Variants in DST observed in about 807,000 individuals in gnomAD.
DST encodes bullous pemphigoid antigen.
Under a neutral mutation model 875.2 loss-of-function variants are expected in DST, and 253 were observed. The ratio of observed to expected loss-of-function variants is 0.29; its 90% confidence interval spans 0.26 to 0.32. The LOEUF (loss-of-function observed/expected upper bound fraction) is 0.32. DST is among the 10% of genes least tolerant of loss of function. DST has a pLI of 1.00. For synonymous variants in DST, 3,124 were observed against 3,197.1 expected (o/e 0.98, Z 0.77); for missense variants, 8,287 against 9,111.6 (o/e 0.91, Z 3.68).
intron 9 of DST, among the ~76,000 whole-genome samples, chr6:56,677,423 C>A (rs964949160): frequency 2.6e-5 from 4 of 152,042 alleles, no homozygotes; most frequent in African/African-American, 9.7e-5. Context: ...CTCAACTGAT[C>A]CTCCCACCTC....
chr6:56,779,852 T>C (rs1026162436), intron 4 of DST, among the ~76,000 whole-genome samples: 45 of 148,636 alleles, frequency 3.0e-4, no homozygotes, highest in African/African-American at 1.0e-3. Context: ...ATTAGGTATA[T>C]CTCCTAATGC....
At position 56,850,833 on chromosome 6, in the gene DST, A is replaced by C. The variant is rs1591668870; in HGVS notation, c.625+564T>G. Among the ~76,000 whole-genome samples the C allele has an allele frequency of 2.0e-5, 3 of 152,360 alleles. No homozygotes were observed. The South Asian group carries it at 6.2e-4, about 32-fold the overall frequency. On this transcript the variant is annotated intron_variant, in intron 4 of 103. Coordinates refer to ENST00000680361, the MANE Select transcript of DST (RefSeq NM_001374736.1). ...CATCTCATGTATTAATTAATCAGGA[A>C]GGCGTGATGGCCAAACCCTCAAAAG...
chr6:56,630,435 C>G, intron 30 of DST, 52 bp from the exon 31 acceptor site: 1 of 1,511,552 alleles, frequency 6.6e-7, no homozygotes, highest in South Asian at 1.1e-5. Context: ...TTTATTTTTG[C>G]ATAATGTAGT....
At chr6:56,511,071 T>C (rs1299005276) in intron 73 of DST, 126 bp downstream of exon 73, 1 of 797,332 alleles carries the variant, frequency 1.3e-6, no homozygotes, top group Admixed American at 2.6e-5. Flanking sequence ...GACACAGACA[T>C]CAATACTCAA....
chr6:56,553,062 T>C lies in DST; in HGVS notation c.15730A>G (p.Thr5244Ala). 6.2e-7 allele frequency: 1 copy of C among 1,613,942 alleles called. No homozygotes were observed. Among genetic ancestry groups the C allele is most frequent in the South Asian group, 1.1e-5 (1 of 91,086 alleles). The change falls in exon 61 of 104, where the codon ACA becomes GCA. Residue 5244 changes from threonine (T) to alanine (A), a missense_variant. Physicochemically the swap from Thr to Ala is moderately conservative, Grantham distance 58 (BLOSUM62 0). Transcript: ENST00000680361. ...TGGATCAGTGACTTATTCTCATCTG[T>C]AACAACTTCTTTATCTATCTCACAG... ...SVCEIDKEVV[T>A]DENKSLIQKV...
chr6:56,938,875 G>A (rs548637174), intron 2 of DST, among the ~76,000 whole-genome samples: 7 of 152,214 alleles, frequency 4.6e-5, no homozygotes, highest in Non-Finnish European at 8.8e-5. Flanking sequence ...AAGATACCTG[G>A]GTGACTTCCA....
intron 3 of DST, among the ~76,000 whole-genome samples, chr6:56,872,446 C>T (rs1302965521): frequency 6.6e-6 from 1 of 152,048 alleles, no homozygotes; most frequent in Non-Finnish European, 1.5e-5. Context: ...CACTTGAGCC[C>T]AGGAGTTTGA....
chr6:56,866,964 T>G (rs202149967), intron 3 of DST, among the ~76,000 whole-genome samples: 4 of 151,544 alleles, frequency 2.6e-5, no homozygotes, highest in Non-Finnish European at 4.4e-5. Context: ...CTTATTTATC[T>G]TATTTATCAT....
chr6:56,651,197 G>T lies in DST; in HGVS notation c.1262C>A (p.Ala421Glu). The T allele has an allele frequency of 6.2e-7, 1 of 1,611,834 alleles. No homozygotes were observed. The highest frequency in any genetic ancestry group is 8.5e-7 in the Non-Finnish European group (1 of 1,178,956). ...MNTVAVQSNLANLEHAFYVAE... is the reference protein window; with the variant it reads ...MNTVAVQSNLENLEHAFYVAE... Reference sequence around the variant, plus strand: ...TACGTAAAAAGCATGCTCTAAATTTGCAAGGTTGCTTTGAACAGCAACAGT... The same window carrying T: ...TACGTAAAAAGCATGCTCTAAATTTTCAAGGTTGCTTTGAACAGCAACAGT... Residue 421 changes from alanine to glutamate, a missense_variant, in exon 11 of 104, where the codon GCA becomes GAA. By Grantham distance (107) the Ala-to-Glu change is moderately radical. Around this residue, in one of 10 missense-constraint regions of DST, gnomAD observed 1,160 missense variants for 1,424.3 expected, o/e 0.81. Coordinates refer to ENST00000680361, the MANE Select transcript of DST (RefSeq NM_001374736.1).
At chr6:56,680,132 T>G (rs2099150280) in intron 9 of DST, among the ~76,000 whole-genome samples, 1 of 152,204 alleles carries the variant, frequency 6.6e-6, no homozygotes, top group African/African-American at 2.4e-5. Flanking sequence ...ATTCTCTTCT[T>G]AGGAAAGCTA....
At position 56,601,551 on chromosome 6, in the gene DST, G is replaced by C. The variant is rs370221458; in HGVS notation, c.11433C>G (p.Leu3811=). ...GAAAACACTTCTGAGTTGTATTTAA[G>C]AGCCTCAGCAGTTGTTTGCTTTGGT... ...SPNQSKQLLR[L]LNTTQKCFLD... The change falls in exon 44 of 104, where the codon CTC becomes CTG. Residue 3811 remains leucine, a synonymous_variant. Coordinates refer to ENST00000680361, the MANE Select transcript of DST (RefSeq NM_001374736.1). 14 of 1,604,818 alleles carry C rather than the reference G, an allele frequency of 8.7e-6. No individual in the cohort carries two copies. The African/African-American group carries it at 1.7e-4, about 20-fold the overall frequency.
At chr6:56,925,367 A>G (rs1806499465) in intron 2 of DST, among the ~76,000 whole-genome samples, 1 of 152,256 alleles carries the variant, frequency 6.6e-6, no homozygotes, top group Non-Finnish European at 1.5e-5. Context: ...AATAGGGAGC[A>G]TATGACTTTT....
chr6:56,638,653 T>C (rs1304348307), intron 22 of DST, among the ~76,000 whole-genome samples: 1 of 152,188 alleles, frequency 6.6e-6, no homozygotes, highest in Non-Finnish European at 1.5e-5. Context: ...CCCAACTGCA[T>C]AGGCAACCTG....
intron 5 of DST, among the ~76,000 whole-genome samples, chr6:56,728,973 T>TACAC (rs35066414): frequency 0.046 from 6,035 of 132,022 alleles, 141 homozygotes; most frequent in Middle Eastern, 0.12. Context: ...ATAAAAAAAG[T>TACAC]ACACACACAC....
At chr6:56,698,691 G>C (rs1474696758) in intron 9 of DST, among the ~76,000 whole-genome samples, 2 of 152,188 alleles carry the variant, frequency 1.3e-5, no homozygotes, top group Non-Finnish European at 2.9e-5. Flanking sequence ...AGCTGGCAAA[G>C]GATCACTTCC....
In DST at chr6:56,880,023, AATG is replaced by A. The variant is rs1252692254; in HGVS notation, c.417+20395_417+20397del. On this transcript the variant is annotated intron_variant, in intron 3 of 103. Coordinates refer to ENST00000680361, the MANE Select transcript of DST (RefSeq NM_001374736.1). ...ACATTTTTAAAATTTCTATTCCCAC[AATG>A]AATAGGTACCTTTCAAAAGAGTATC... 7.9e-5 allele frequency among the ~76,000 whole-genome samples: 12 copies of A among 152,362 alleles called. No homozygotes were observed. The East Asian group carries it at 2.3e-3, about 29-fold the overall frequency.
chr6:56,463,842 G>A (rs780971218), intron 100 of DST, 78 bp from the exon 101 acceptor site: 30 of 1,387,916 alleles, frequency 2.2e-5, no homozygotes, highest in South Asian at 8.1e-5. Context: ...TGGGAAGAAC[G>A]GCCACCTGGC....
intron 3 of DST, among the ~76,000 whole-genome samples, chr6:56,855,718 A>T (rs1767544370): frequency 6.6e-6 from 1 of 152,186 alleles, no homozygotes; most frequent in Non-Finnish European, 1.5e-5. Flanking sequence ...TCAAGGGTGA[A>T]CCCATCCCAG....
intron 10 of DST, among the ~76,000 whole-genome samples, chr6:56,662,764 A>T (rs2099051343): frequency 6.6e-6 from 1 of 151,562 alleles, no homozygotes; most frequent in Non-Finnish European, 1.5e-5. Flanking sequence ...AAATGGTGAA[A>T]CCCTGTCTCT....
Sources: allele counts gnomAD v4.1 joint callset (sites outside exome capture counted in the v4.1 genomes callset), GRCh38; gene constraint gnomAD v4.1.1; regional missense constraint gnomAD v4.1.1; transcripts MANE v1.5; gene names NCBI Gene and HGNC (gene_info 2026-07-23, HGNC 2026-07-21).